The following USP26 variants were observed in gnomAD, a reference collection of about 807,000 sequenced individuals.
The protein encoded by USP26 is ubiquitin specific peptidase 26.
For missense variants in USP26, 649 were observed against 642.3 expected, an observed-to-expected ratio of 1.01 and a Z score of -0.11; for synonymous variants, 236 against 240.6, an observed-to-expected ratio of 0.98 and a Z score of 0.18.
At position 133,025,771 on chromosome X, in the gene USP26, T is replaced by C; in HGVS notation, c.2450A>G (p.Asp817Gly). The change falls in exon 6 of 6, where the codon GAT (aspartate) becomes GGT (glycine). Residue 817 changes from aspartate to glycine, a missense_variant. Asp to Gly is a moderately conservative substitution (Grantham distance 94). Coordinates refer to ENST00000511190, the MANE Select transcript of USP26 (RefSeq NM_031907.3). ...CCGGTAGGTATGATCTCCCTTATCATCATTTCTTTTTGTTTCCTTGGCTTT... is the reference window on the plus strand; with the variant it reads ...CCGGTAGGTATGATCTCCCTTATCACCATTTCTTTTTGTTTCCTTGGCTTT... Reference protein sequence around the residue: ...KSKAKETKRNDDKGDHTYRLI... With the variant: ...KSKAKETKRNGDKGDHTYRLI... 1 of 1,210,499 alleles carries C rather than the reference T, an allele frequency of 8.3e-7. No homozygotes were observed. The highest frequency in any genetic ancestry group is 1.1e-6 in the Non-Finnish European group (1 of 894,350).
intron 5 of USP26, among the ~76,000 whole-genome samples, chrX:133,051,453 C>T (rs1337566878): frequency 8.9e-6 from 1 of 112,065 alleles, no homozygotes; most frequent in African/African-American, 3.2e-5. Context: ...TGAGCCACTG[C>T]AATAACCACC....
Position 133,026,827 on chromosome X carries a change from G to A in USP26, c.1394C>T (p.Ser465Phe). 2 of 1,211,065 alleles carry A rather than the reference G, an allele frequency of 1.7e-6. No homozygotes were observed. Among genetic ancestry groups the A allele is most frequent in the Non-Finnish European group, 2.2e-6 (2 of 895,104 alleles). Residue 465 changes from serine (S) to phenylalanine (F), a missense_variant, in exon 6 of 6, where the codon TCC (serine) becomes TTC (phenylalanine). Transcript: ENST00000511190. ...ILKTELNNYL[S>F]INLPQRIKAH... is the part of the protein sequence containing the mutation. ...TTTTATTCTTTGGGGAAGGTTGATG[G>A]AGAGGTAATTATTCAGTTCTGTCTT...
intron 5 of USP26, among the ~76,000 whole-genome samples, chrX:133,064,364 C>T (rs1046384694): frequency 9.8e-5 from 11 of 111,791 alleles, no homozygotes; most frequent in Non-Finnish European, 2.1e-4. Flanking sequence ...GAAGTCAACT[C>T]TGGACCAAGC....
chrX:133,084,608 G>T (rs2067582561), intron 4 of USP26, among the ~76,000 whole-genome samples: 1 of 106,041 alleles, frequency 9.4e-6, no homozygotes, highest in South Asian at 4.4e-4. Flanking sequence ...CTGCCTCCCA[G>T]GTTCAAGCGA....
At chrX:133,051,191 G>T (rs1316796477) in intron 5 of USP26, among the ~76,000 whole-genome samples, 1 of 111,492 alleles carries the variant, frequency 9.0e-6, no homozygotes, top group Non-Finnish European at 1.9e-5. Flanking sequence ...TACTGAGTTT[G>T]TTGGCCTGAT....
intron 5 of USP26, among the ~76,000 whole-genome samples, chrX:133,061,873 A>G (rs763473636): frequency 9.0e-6 from 1 of 111,722 alleles, no homozygotes; most frequent in African/African-American, 3.3e-5. Flanking sequence ...TAGGGCAGAC[A>G]CTGAGCTAGC....
intron 5 of USP26, among the ~76,000 whole-genome samples, chrX:133,056,368 G>T: frequency 9.0e-6 from 1 of 110,942 alleles, no homozygotes; most frequent in South Asian, 3.9e-4. Context: ...CTTCCTATCT[G>T]TGGACCCCTT....
At chrX:133,096,047 ATTTTTTTTTTTTT>A (rs779131148) in intron 1 of USP26, among the ~76,000 whole-genome samples, 4 of 36,537 alleles carry the variant, frequency 1.1e-4, no homozygotes, top group South Asian at 6.0e-3. Flanking sequence ...GCCCGGCCTA[ATTTTTTTTTTTTT>A]TTTTTTTTTT....
chrX:133,096,252 G>A (rs1204265145), intron 1 of USP26, among the ~76,000 whole-genome samples: 10 of 107,921 alleles, frequency 9.3e-5, no homozygotes, highest in African/African-American at 3.4e-4. Flanking sequence ...ACTTTTAAAG[G>A]CAAATGAATG....
In USP26 at chrX:133,076,420, A is replaced by G. The variant is rs941082279; in HGVS notation, c.-77+7287T>C. ...TGATTGCTGGGCCTTTGAAGTAACT[A>G]TAGGACTGGGTCAAAAATTATGCAA... On this transcript the variant is annotated intron_variant, in intron 5 of 5. Transcript: ENST00000511190. Among the ~76,000 whole-genome samples, 6 of 111,069 alleles carry G rather than the reference A, an allele frequency of 5.4e-5. No homozygotes were observed. The South Asian group carries it at 2.4e-3, about 44-fold the overall frequency.
At chrX:133,032,496 A>T (rs2067381233) in intron 5 of USP26, among the ~76,000 whole-genome samples, 1 of 111,975 alleles carries the variant, frequency 8.9e-6, no homozygotes, top group Non-Finnish European at 1.9e-5. Context: ...TTTGTAAAAG[A>T]GCGGGAGACT....
chrX:133,082,000 T>A (rs1044512388), intron 5 of USP26, among the ~76,000 whole-genome samples: 1 of 111,979 alleles, frequency 8.9e-6, no homozygotes, highest in Non-Finnish European at 1.9e-5. Flanking sequence ...TGTTCTTCCA[T>A]ATTTGCTGGC....
chrX:133,040,730 G>A (rs2067415949), intron 5 of USP26, among the ~76,000 whole-genome samples: 1 of 111,556 alleles, frequency 9.0e-6, no homozygotes, highest in African/African-American at 3.3e-5. Context: ...GAATTTGAAT[G>A]TTGGCCTGTC....
Position 133,027,650 on chromosome X carries a change from T to G in USP26, c.571A>C (p.Asn191His), listed in dbSNP as rs748457935. The G allele has an allele frequency of 4.1e-5, 49 of 1,209,071 alleles. No individual in the cohort carries two copies. The highest frequency in any genetic ancestry group is 5.3e-5 in the Non-Finnish European group (47 of 894,313). ...TTATTTTCTTTCAAGAATTCCTCAT[T>G]CATCTCTGAGCTAGATGAGAGCATT... is the stretch of plus-strand genomic sequence containing the variant. ...KRMLSSSSEM[N>H]EEFLKENNSV... Residue 191 changes from asparagine to histidine, a missense_variant, in exon 6 of 6, where the codon AAT (asparagine) becomes CAT (histidine). Physicochemically the swap from Asn to His is moderately conservative, Grantham distance 68. Coordinates refer to ENST00000511190, the MANE Select transcript of USP26 (RefSeq NM_031907.3).
intron 5 of USP26, among the ~76,000 whole-genome samples, chrX:133,035,612 C>A (rs1232124753): frequency 8.9e-6 from 1 of 111,900 alleles, no homozygotes; most frequent in East Asian, 2.8e-4. Context: ...CACCTGCCTC[C>A]TTTATTATTA....
intron 1 of USP26, among the ~76,000 whole-genome samples, chrX:133,093,865 C>T (rs1186149654): frequency 9.5e-6 from 1 of 105,207 alleles, no homozygotes; most frequent in African/African-American, 3.5e-5. Context: ...CCTTCAGTCC[C>T]AGCTACTCAG....
At chrX:133,055,779 GTCT>G (rs1162834004) in intron 5 of USP26, among the ~76,000 whole-genome samples, 1 of 111,625 alleles carries the variant, frequency 9.0e-6, no homozygotes, top group Non-Finnish European at 1.9e-5. Context: ...GTGGTCATTT[GTCT>G]TCTTGTGGCC....
At chrX:133,033,705 T>G (rs2067386223) in intron 5 of USP26, among the ~76,000 whole-genome samples, 1 of 112,284 alleles carries the variant, frequency 8.9e-6, no homozygotes, top group Admixed American at 9.4e-5. Flanking sequence ...CTTCCTAGTA[T>G]TTTGCAGCCC....
intron 5 of USP26, among the ~76,000 whole-genome samples, chrX:133,069,558 C>T (rs1232961227): frequency 9.1e-6 from 1 of 110,373 alleles, no homozygotes; most frequent in Admixed American, 9.7e-5. Context: ...CAAAGAGACA[C>T]ATATAAGAAA....
Sources: gnomAD v4.1 joint callset for allele counts (sites outside exome capture counted in the v4.1 genomes callset) on GRCh38, gnomAD v4.1.1 for gene constraint, MANE v1.5 for transcripts, NCBI Gene and HGNC (gene_info 2026-07-23, HGNC 2026-07-21) for gene names.